Variants in DNAH11 observed in about 807,000 individuals in gnomAD.
The protein encoded by DNAH11 is axonemal beta dynein heavy chain 11.
A neutral mutation model predicts 526.0 loss-of-function variants in DNAH11; 442 were observed. The ratio of observed to expected loss-of-function variants is 0.84; its 90% confidence interval spans 0.78 to 0.91. The LOEUF (loss-of-function observed/expected upper bound fraction) is 0.91. Among genes scored for constraint, DNAH11 ranks in the 40% least tolerant of loss-of-function variants. The pLI is 0.00. For missense variants in DNAH11, 6,989 were observed against 5,448.7 expected (o/e 1.28, Z -8.90); for synonymous variants, 2,461 against 1,935.9 (o/e 1.27, Z -7.12).
intron 30 of DNAH11, among the ~76,000 whole-genome samples, chr7:21,662,048 AC>A (rs1204988352): frequency 2.0e-5 from 3 of 152,002 alleles, no homozygotes; most frequent in Non-Finnish European, 4.4e-5. Context: ...CGAACTCCTG[AC>A]CTCAAGATGA....
In DNAH11 at chr7:21,590,962, G is replaced by A; in HGVS notation, c.2214G>A (p.Lys738=). The stretch of plus-strand genomic sequence containing the variant: ...AAGTGAAATATCTTTTGATGTTGAA[G>A]AAACAAGACATACCAGATTCAGCTT... ...LREVKYLLML[K]KQDIPDSALA... The change falls in exon 13 of 82, where the codon AAG becomes AAA. Residue 738 remains lysine, a synonymous_variant. Coordinates refer to ENST00000409508, the MANE Select transcript of DNAH11 (RefSeq NM_001277115.2). The A allele has an allele frequency of 1.3e-6, 2 of 1,510,764 alleles. No homozygotes were observed. Among genetic ancestry groups the A allele is most frequent in the East Asian group, 2.6e-5 (1 of 39,134 alleles). 93.6% of individuals were successfully genotyped at this position (1,510,764 alleles called of 1,614,324 possible).
At chr7:21,590,670 C>T (rs1342156185) in intron 12 of DNAH11, among the ~76,000 whole-genome samples, 1 of 152,136 alleles carries the variant, frequency 6.6e-6, no homozygotes, top group African/African-American at 2.4e-5. Flanking sequence ...GTTCTACTTT[C>T]TGATTTCATA....
At chr7:21,613,165 TCA>T (rs1198993880) in intron 20 of DNAH11, among the ~76,000 whole-genome samples, 2 of 152,192 alleles carry the variant, frequency 1.3e-5, no homozygotes, top group Non-Finnish European at 2.9e-5. Flanking sequence ...GAAATGAACT[TCA>T]CACACATCAT....
At chr7:21,585,504 G>A (rs555683409) in intron 9 of DNAH11, among the ~76,000 whole-genome samples, 2 of 152,284 alleles carry the variant, frequency 1.3e-5, no homozygotes, top group Admixed American at 6.5e-5. Context: ...GCCAGGAAGG[G>A]CACCGGAACT....
Position 21,637,689 on chromosome 7 carries a change from G to A in DNAH11, c.4804G>A (p.Asp1602Asn). 6.4e-7 allele frequency: 1 copy of A among 1,561,926 alleles called. No homozygotes were observed. Among genetic ancestry groups the A allele is most frequent in the Admixed American group, 1.9e-5 (1 of 52,334 alleles). Residue 1602 changes from aspartate (D) to asparagine (N), a missense_variant, in exon 27 of 82, where the codon GAT (aspartate) becomes AAT (asparagine). Transcript: ENST00000409508. ...CRPNLYEKLK[D>N]LQSRLSLCEK... ...ACCTAATCTCTATGAAAAACTTAAA[G>A]ATTTACAGTCCAGGTAAGAATAAAG...
chr7:21,694,379 G>A (rs977477613), intron 35 of DNAH11, among the ~76,000 whole-genome samples: 1 of 152,068 alleles, frequency 6.6e-6, no homozygotes, highest in Non-Finnish European at 1.5e-5. Context: ...GCCCTGGTGT[G>A]TGATGTTCCC....
At chr7:21,693,016 T>G (rs181444990) in intron 35 of DNAH11, among the ~76,000 whole-genome samples, 2 of 152,372 alleles carry the variant, frequency 1.3e-5, no homozygotes, top group East Asian at 3.9e-4. Flanking sequence ...GTTAGATACA[T>G]ACATTGCAAA....
chr7:21,580,953 C>G (rs1451924379), intron 8 of DNAH11, among the ~76,000 whole-genome samples: 1 of 152,160 alleles, frequency 6.6e-6, no homozygotes, highest in Non-Finnish European at 1.5e-5. Flanking sequence ...AATCATTTAA[C>G]TTCTCTGAGT....
At chr7:21,840,458 T>A (rs1782162879) in intron 65 of DNAH11, among the ~76,000 whole-genome samples, 1 of 152,232 alleles carries the variant, frequency 6.6e-6, no homozygotes, top group African/African-American at 2.4e-5. Flanking sequence ...TTTTCATATG[T>A]AAGGTAAAAT....
intron 68 of DNAH11, among the ~76,000 whole-genome samples, chr7:21,860,978 C>A (rs1248415291): frequency 6.6e-6 from 1 of 152,084 alleles, no homozygotes; most frequent in Non-Finnish European, 1.5e-5. Context: ...AGAAACTGCC[C>A]CCATGATTCA....
At chr7:21,602,437 A>G (rs904136699) in intron 18 of DNAH11, among the ~76,000 whole-genome samples, 1 of 152,196 alleles carries the variant, frequency 6.6e-6, no homozygotes, top group Admixed American at 6.5e-5. Flanking sequence ...ACCTGTTTCC[A>G]TGCTGTGGAA....
At chr7:21,547,618 G>A (rs1000825880) in intron 2 of DNAH11, among the ~76,000 whole-genome samples, 17 of 152,036 alleles carry the variant, frequency 1.1e-4, no homozygotes, top group East Asian at 3.8e-4. Flanking sequence ...TCCCAATAAC[G>A]AAACTTTCTT....
At chr7:21,890,545 CACAA>C (rs1462351504) in intron 76 of DNAH11, among the ~76,000 whole-genome samples, 4 of 152,100 alleles carry the variant, frequency 2.6e-5, no homozygotes, top group Non-Finnish European at 4.4e-5. Context: ...TCCTAGTAAG[CACAA>C]ACAGAGAAGA....
intron 7 of DNAH11, among the ~76,000 whole-genome samples, chr7:21,571,546 C>G (rs959205842): frequency 6.6e-6 from 1 of 152,122 alleles, no homozygotes; most frequent in African/African-American, 2.4e-5. Context: ...TCCCAAAGTG[C>G]TGGTATTACA....
intron 6 of DNAH11, 99 bp from the exon 7 acceptor site, chr7:21,569,970 G>C: frequency 1.0e-6 from 1 of 981,806 alleles, no homozygotes; most frequent in Non-Finnish European, 1.5e-6. Context: ...CCCAACTTTA[G>C]ATACTGGCAT....
chr7:21,715,804 A>G (rs1784638156), intron 42 of DNAH11, among the ~76,000 whole-genome samples: 2 of 151,424 alleles, frequency 1.3e-5, no homozygotes, highest in South Asian at 4.2e-4. Flanking sequence ...TTTACTCTCT[A>G]TCCTATGCTA....
chr7:21,614,980 A>G, intron 20 of DNAH11, 134 bp from the exon 21 acceptor site: 1 of 1,067,234 alleles, frequency 9.4e-7, no homozygotes, highest in Non-Finnish European at 1.3e-6. Flanking sequence ...TTTGCCAGTA[A>G]TTACGCTGCA....
rs1257514573 is a variant in DNAH11 at position 21,615,183 on chromosome 7, G to C, written c.3922G>C (p.Val1308Leu). The C allele has an allele frequency of 5.0e-6, 8 of 1,613,232 alleles. No homozygotes were observed. Among genetic ancestry groups the C allele is most frequent in the Non-Finnish European group, 6.8e-6 (8 of 1,179,528 alleles). Reference protein sequence around the residue: ...QMQESTRLFEVALPEYKQMKQ... With the variant: ...QMQESTRLFELALPEYKQMKQ... ...GCAAGAATCTACTCGTCTTTTTGAA[G>C]TGGCTCTTCCAGAGTACAAACAAAT... Residue 1308 changes from valine (V) to leucine (L), a missense_variant, in exon 21 of 82, where the codon GTG (valine) becomes CTG (leucine). Transcript: ENST00000409508.
At chr7:21,810,946 A>T (rs1395187596) in intron 63 of DNAH11, among the ~76,000 whole-genome samples, 1 of 152,220 alleles carries the variant, frequency 6.6e-6, no homozygotes, top group African/African-American at 2.4e-5. Flanking sequence ...TACCCCAAAG[A>T]AGTAAAAGTA....
Sources: allele counts gnomAD v4.1 joint callset (sites outside exome capture counted in the v4.1 genomes callset), GRCh38; gene constraint gnomAD v4.1.1; transcripts MANE v1.5; gene names NCBI Gene and HGNC (gene_info 2026-07-23, HGNC 2026-07-21).